The following ASS1 variants were observed in gnomAD, a reference collection of about 807,000 sequenced individuals.
ASS1 encodes the protein argininosuccinate synthase.
ASS1 carries 58 observed loss-of-function variants against 60.5 expected under a neutral mutation model. The ratio of observed to expected loss-of-function variants is 0.96; its 90% CI spans 0.78 to 1.19. ASS1 has a LOEUF of 1.19. Among genes scored for constraint, ASS1 ranks in the 50% most tolerant of loss-of-function variants. The pLI is 0.00. For synonymous variants in ASS1, 200 were observed against 206.9 expected (o/e 0.97, Z 0.29); for missense variants, 454 against 547.3 (o/e 0.83, Z 1.70).
intron 8 of ASS1, among the ~76,000 whole-genome samples, chr9:130,475,703 A>G (rs1845995130): frequency 6.8e-6 from 1 of 147,216 alleles, no homozygotes; most frequent in African/African-American, 2.5e-5. Flanking sequence ...GAGAACTCAG[A>G]CTGCAGATGG....
rs951714020 is a variant in ASS1 at position 130,494,026 on chromosome 9, C to T, written c.971-841C>T. Among the ~76,000 whole-genome samples the T allele has an allele frequency of 6.6e-6, 1 of 152,210 alleles. No individual in the cohort carries two copies. Among genetic ancestry groups the T allele is most frequent in the African/African-American group, 2.4e-5 (1 of 41,448 alleles). On this transcript the variant is annotated intron_variant, in intron 12 of 14. Transcript: ENST00000352480. This position sits in a 1 kb window ranked among gnomAD's most constrained non-coding sequence, Gnocchi z 4.3. Reference sequence around the variant, plus strand: ...CAAATGGAGGCTCCCCACTTCCGGCCTGTGTGATCCTGGAGAAGTTTCTTA... The same window carrying T: ...CAAATGGAGGCTCCCCACTTCCGGCTTGTGTGATCCTGGAGAAGTTTCTTA...
rs1486068351 is a variant in ASS1 at position 130,494,972 on chromosome 9, A to G, written c.1076A>G (p.Tyr359Cys). ...GTGTCCGTCCTCAAGGGCCAGGTGT[A>G]CATCCTCGGCCGGGAGTCCCCACTG... Reference protein sequence around the residue: ...VQVSVLKGQVYILGRESPLSL... With the variant: ...VQVSVLKGQVCILGRESPLSL... The change falls in exon 13 of 15, where the codon TAC becomes TGC. Residue 359 changes from tyrosine to cysteine, a missense_variant. Tyr to Cys is a radical substitution (Grantham distance 194). Coordinates refer to ENST00000352480, the MANE Select transcript of ASS1 (RefSeq NM_054012.4). This position sits in a 1 kb window ranked among gnomAD's most constrained non-coding sequence, Gnocchi z 4.3. 4.3e-6 allele frequency: 7 copies of G among 1,613,566 alleles called. No homozygotes were observed. Among genetic ancestry groups the G allele is most frequent in the Non-Finnish European group, 5.9e-6 (7 of 1,180,016 alleles).
intron 13 of ASS1, among the ~76,000 whole-genome samples, chr9:130,495,444 C>CATATAT (rs142565065): frequency 4.4e-4 from 62 of 139,802 alleles, no homozygotes; most frequent in African/African-American, 1.2e-3. Flanking sequence ...CACACACATA[C>CATATAT]ATATATATAT....
chr9:130,449,538 C>T (rs1845277691), intron 1 of ASS1, among the ~76,000 whole-genome samples: 1 of 151,920 alleles, frequency 6.6e-6, no homozygotes, highest in African/African-American at 2.4e-5. Context: ...GAATCTTGGG[C>T]CAGCATCATC....
In ASS1 at chr9:130,464,117, G is replaced by C. The variant is rs936192871; in HGVS notation, c.370G>C (p.Asp124His). The C allele has an allele frequency of 6.2e-7, 1 of 1,614,036 alleles. No homozygotes were observed. Among genetic ancestry groups the C allele is most frequent in the Non-Finnish European group, 8.5e-7 (1 of 1,179,986 alleles). ...CCTCTGTTCTGCATTGCAGGGGAAC[G>C]ATCAGGTCCGGTTTGAGCTCAGCTG... Reference protein sequence around the residue: ...VSHGATGKGNDQVRFELSCYS... With the variant: ...VSHGATGKGNHQVRFELSCYS... The change falls in exon 5 of 15, where the codon GAT (aspartate) becomes CAT (histidine). Residue 124 changes from aspartate (D) to histidine (H), a missense_variant. Transcript: ENST00000352480.
intron 11 of ASS1, among the ~76,000 whole-genome samples, chr9:130,482,841 G>C (rs897677128): frequency 1.3e-5 from 2 of 152,206 alleles, no homozygotes; most frequent in Non-Finnish European, 2.9e-5. Flanking sequence ...CTGGTACTTT[G>C]TGTGTGCTGT....
intron 12 of ASS1, among the ~76,000 whole-genome samples, chr9:130,490,691 G>C (rs999406346): frequency 3.9e-5 from 6 of 152,204 alleles, no homozygotes; most frequent in African/African-American, 1.4e-4. Context: ...TAAAATTCAA[G>C]TGTTGCCGGG....
chr9:130,496,414 C>G (rs567287305), intron 13 of ASS1, among the ~76,000 whole-genome samples: 1 of 151,736 alleles, frequency 6.6e-6, no homozygotes, highest in South Asian at 2.1e-4. Flanking sequence ...CAGCAAAACC[C>G]TGTCTCAAAA....
At chr9:130,471,665 C>A in intron 8 of ASS1, 150 bp downstream of exon 8, 1 of 890,118 alleles carries the variant, frequency 1.1e-6, no homozygotes, top group East Asian at 2.6e-5. Context: ...TGTTCCCCGA[C>A]CCCCGCACTG....
intron 11 of ASS1, among the ~76,000 whole-genome samples, chr9:130,484,878 C>T (rs943004819): frequency 4.6e-5 from 7 of 152,020 alleles, no homozygotes; most frequent in Admixed American, 2.6e-4. Flanking sequence ...TTTTTTGATC[C>T]GTCACAATTA....
chr9:130,500,199 C>A (rs1846716229), intron 14 of ASS1, among the ~76,000 whole-genome samples: 1 of 152,150 alleles, frequency 6.6e-6, no homozygotes, highest in Non-Finnish European at 1.5e-5. Flanking sequence ...CACACTCAGC[C>A]CAGGGCCGGT....
Position 130,491,367 on chromosome 9 carries a change from C to T in ASS1, c.970+1903C>T, listed in dbSNP as rs563371189. On this transcript the variant is annotated intron_variant, in intron 12 of 14. Transcript: ENST00000352480. This position sits in a 1 kb window ranked among gnomAD's most constrained non-coding sequence, Gnocchi z 5.3. ...ACGGAGGCTGATCCCACCGTGGCCG[C>T]GGCCACGGCTGCCACTTATCCTGCC... Among the ~76,000 whole-genome samples, 28 of 152,286 alleles carry T rather than the reference C, an allele frequency of 1.8e-4. No individual in the cohort carries two copies. In the South Asian group the frequency reaches 3.1e-3, roughly 17 times the overall value.
chr9:130,448,264 GC>G (rs1845240174), intron 1 of ASS1, among the ~76,000 whole-genome samples: 1 of 152,030 alleles, frequency 6.6e-6, no homozygotes, highest in African/African-American at 2.4e-5. Context: ...CATCTGCCCA[GC>G]TCATTTCTCT....
chr9:130,470,757 A>G lies in ASS1; in HGVS notation c.496-77A>G. ...GGGCCAGAGTTTGGGGCTCTCTGAA[A>G]AAGCAGGGCCCCTGGGACGGACCTC... On this transcript the variant is annotated intron_variant, in intron 6 of 14. Transcript: ENST00000352480. This position sits in a 1 kb window ranked among gnomAD's most constrained non-coding sequence, Gnocchi z 4.3. 7.0e-7 allele frequency: 1 copy of G among 1,427,372 alleles called. No homozygotes were observed. The highest frequency in any genetic ancestry group is 9.9e-7 in the Non-Finnish European group (1 of 1,011,980). 88.4% of individuals were successfully genotyped at this position (1,427,372 alleles called of 1,614,324 possible). A position where few individuals can be genotyped will look rare whatever the true frequency, so the allele number is the denominator to read the frequency against.
intron 2 of ASS1, among the ~76,000 whole-genome samples, chr9:130,453,229 G>A (rs1278458665): frequency 1.3e-5 from 2 of 152,218 alleles, no homozygotes; most frequent in Non-Finnish European, 2.9e-5. Context: ...CATGGGGTGC[G>A]AGGCTTGGGC....
chr9:130,454,759 T>A (rs1237552020), intron 3 of ASS1, among the ~76,000 whole-genome samples: 1 of 147,426 alleles, frequency 6.8e-6, no homozygotes, highest in Non-Finnish European at 1.5e-5. Flanking sequence ...CATCCATCCA[T>A]CCATCACCCA....
chr9:130,479,855 C>G (rs760297911), intron 10 of ASS1, 55 bp downstream of exon 10: 39 of 1,542,018 alleles, frequency 2.5e-5, no homozygotes, highest in South Asian at 2.2e-4. Flanking sequence ...CGGGCGAGCA[C>G]GAGCCTGGAC....
chr9:130,460,163 C>T (rs1368325738), intron 4 of ASS1, among the ~76,000 whole-genome samples: 1 of 152,152 alleles, frequency 6.6e-6, no homozygotes, highest in Non-Finnish European at 1.5e-5. Context: ...GAAGTCCTGG[C>T]TCACTGTGGG....
In ASS1 at chr9:130,499,242, T is replaced by A. The variant is rs1588512596; in HGVS notation, c.1128-263T>A. Among the ~76,000 whole-genome samples the A allele has an allele frequency of 2.6e-5, 4 of 152,210 alleles. No homozygotes were observed. In the South Asian group the frequency reaches 8.3e-4, roughly 32 times the overall value. ...AGTTCTGGGGTGGCTGCTCCTAGCC[T>A]CCTGCCACATTGTGTAGCAGGGAAG... On this transcript the variant is annotated intron_variant, in intron 13 of 14. Coordinates refer to ENST00000352480, the MANE Select transcript of ASS1 (RefSeq NM_054012.4).
Sources: allele counts gnomAD v4.1 joint callset (sites outside exome capture counted in the v4.1 genomes callset), GRCh38; gene constraint gnomAD v4.1.1; non-coding constraint Gnocchi (gnomAD v3.1); transcripts MANE v1.5; gene names NCBI Gene and HGNC (gene_info 2026-07-23, HGNC 2026-07-21).